Variants in PLA2G6 observed in about 807,000 individuals in gnomAD.
PLA2G6 encodes the protein 85/88 kDa calcium-independent phospholipase A2.
In PLA2G6, 62 loss-of-function variants were observed where a neutral mutation model predicts 83.8. The ratio of observed to expected loss-of-function variants is 0.74; its 90% confidence interval spans 0.60 to 0.91. The LOEUF is 0.91. Ranked by LOEUF, PLA2G6 falls within the 40% of genes least tolerant of loss-of-function variation. The pLI, the probability that PLA2G6 is intolerant of heterozygous loss-of-function variation, is 0.00. For synonymous variants in PLA2G6, 417 were observed against 449.8 expected, an observed-to-expected ratio of 0.93 and a Z score of 0.92; for missense variants, 944 against 1,102.0, an observed-to-expected ratio of 0.86 and a Z score of 2.03.
At chr22:38,134,775 G>A (rs958427688) in intron 6 of PLA2G6, 10 of 568,662 alleles carry the variant, frequency 1.8e-5, no homozygotes, top group Non-Finnish European at 3.1e-5. Context: ...TGAGGAAACT[G>A]AGGCACAGGG....
At chr22:38,135,158 A>G (rs186318527) in intron 5 of PLA2G6, 74 bp from the exon 6 acceptor site, 1 of 968,362 alleles carries the variant, frequency 1.0e-6, no homozygotes, top group Non-Finnish European at 1.7e-6. Flanking sequence ...CAGGACTTGG[A>G]GCTTCATCTA....
intron 5 of PLA2G6, chr22:38,139,737 A>G (rs988860169): frequency 3.1e-5 from 16 of 511,592 alleles, no homozygotes; most frequent in Non-Finnish European, 5.3e-5. Flanking sequence ...GCCCAGCCAG[A>G]AAAATTTTAA....
intron 1 of PLA2G6, among the ~76,000 whole-genome samples, chr22:38,175,715 C>T (rs546206556): frequency 2.0e-5 from 3 of 152,292 alleles, no homozygotes; most frequent in African/African-American, 7.2e-5. Flanking sequence ...CCTTCCTCTT[C>T]TCCCCAGCAC....
chr22:38,115,596 C>T lies in PLA2G6; in HGVS notation c.1965G>A (p.Leu655=). Residue 655 remains leucine, a synonymous_variant, in exon 14 of 17, where the codon CTG becomes CTA. Coordinates refer to ENST00000332509, the MANE Select transcript of PLA2G6 (RefSeq NM_003560.4). Reference sequence around the variant, plus strand: ...CATCCAGCGTGGGGTTGTTGGCCAGCAGCCCACCGTCCAGGAAGCGCCCAT... The same window carrying T: ...CATCCAGCGTGGGGTTGTTGGCCAGTAGCCCACCGTCCAGGAAGCGCCCAT... The part of the protein sequence containing the change: ...RPNGRFLDGG[L]LANNPTLDAM... 3 of 1,613,250 alleles carry T rather than the reference C, an allele frequency of 1.9e-6. No individual in the cohort carries two copies. Among genetic ancestry groups the T allele is most frequent in the East Asian group, 4.5e-5 (2 of 44,858 alleles).
At position 38,128,579 on chromosome 22, in the gene PLA2G6, T is replaced by C. The variant is rs1465583729; in HGVS notation, c.1187-149A>G. 1 of 787,144 alleles carries C rather than the reference T, an allele frequency of 1.3e-6. No individual in the cohort carries two copies. The highest frequency in any genetic ancestry group is 2.1e-6 in the Non-Finnish European group (1 of 482,680). 48.8% of individuals were successfully genotyped at this position (787,144 alleles called of 1,614,324 possible). Reference sequence around the variant, plus strand: ...CTGCTCCAGAGGCCTCAGCCCACCCTGACAGGGAGTGCTGCCCCCAGGCTG... The same window carrying C: ...CTGCTCCAGAGGCCTCAGCCCACCCCGACAGGGAGTGCTGCCCCCAGGCTG... On this transcript the variant is annotated intron_variant, in intron 8 of 16. Coordinates refer to ENST00000332509, the MANE Select transcript of PLA2G6 (RefSeq NM_003560.4). This position sits in a 1 kb window ranked among gnomAD's most constrained non-coding sequence, Gnocchi z 4.4.
chr22:38,175,133 G>GGAA (rs1352556103), intron 1 of PLA2G6, among the ~76,000 whole-genome samples: 3 of 152,232 alleles, frequency 2.0e-5, no homozygotes, highest in Non-Finnish European at 4.4e-5. Flanking sequence ...CCTCCCCTTT[G>GGAA]GAAGGTCTGT....
At position 38,143,157 on chromosome 22, in the gene PLA2G6, C is replaced by T. The variant is rs373868871; in HGVS notation, c.557G>A (p.Gly186Glu). The T allele has an allele frequency of 5.0e-6, 8 of 1,614,112 alleles. No individual in the cohort carries two copies. The Admixed American group carries it at 6.7e-5, about 13-fold the overall frequency. The change falls in exon 4 of 17, where the codon GGA (glycine) becomes GAA (glutamate). Residue 186 changes from glycine to glutamate, a missense_variant. By Grantham distance (98) the Gly-to-Glu change is moderately conservative. Coordinates refer to ENST00000332509, the MANE Select transcript of PLA2G6 (RefSeq NM_003560.4). Reference protein sequence around the residue: ...HTQMDVTDYKGETVFHYAVQG... With the variant: ...HTQMDVTDYKEETVFHYAVQG... ...GACAGCATAATGGAAGACGGTCTCT[C>T]CCTTGTAGTCGGTGACATCCATCTG...
intron 2 of PLA2G6, among the ~76,000 whole-genome samples, chr22:38,157,785 C>T (rs564252051): frequency 6.6e-6 from 1 of 152,142 alleles, no homozygotes; most frequent in African/African-American, 2.4e-5. Flanking sequence ...CCTGTAATCC[C>T]GGCACTTTGG....
intron 2 of PLA2G6, among the ~76,000 whole-genome samples, chr22:38,151,796 G>A (rs2089574118): frequency 6.6e-6 from 1 of 152,200 alleles, no homozygotes; most frequent in Non-Finnish European, 1.5e-5. Flanking sequence ...CCTTGAGTAA[G>A]GCAGAGATAA....
chr22:38,172,463 T>C (rs561813453), intron 1 of PLA2G6, among the ~76,000 whole-genome samples: 1 of 152,206 alleles, frequency 6.6e-6, no homozygotes, highest in African/African-American at 2.4e-5. Context: ...CAAACCAAGA[T>C]AGACTGACAG....
At chr22:38,119,353 G>A (rs2087391563) in intron 12 of PLA2G6, among the ~76,000 whole-genome samples, 1 of 152,178 alleles carries the variant, frequency 6.6e-6, no homozygotes. Flanking sequence ...CACAGATGGG[G>A]CTGGGAAAAA....
chr22:38,126,685 A>C (rs2087881539), intron 9 of PLA2G6: 1 of 546,316 alleles, frequency 1.8e-6, no homozygotes, highest in Non-Finnish European at 3.3e-6. Context: ...CTGCTCTGGG[A>C]AGGGCTCCCC....
chr22:38,173,955 G>A (rs1049189792), intron 1 of PLA2G6, among the ~76,000 whole-genome samples: 1 of 152,098 alleles, frequency 6.6e-6, no homozygotes, highest in African/African-American at 2.4e-5. Context: ...GGGAGGCTAA[G>A]GCAAGAGGAT....
At position 38,123,954 on chromosome 22, in the gene PLA2G6, A is replaced by G. The variant is rs764599293; in HGVS notation, c.1428-696T>C. Among the ~76,000 whole-genome samples the G allele has an allele frequency of 4.6e-5, 7 of 151,754 alleles. No homozygotes were observed. Among genetic ancestry groups the G allele is most frequent in the Non-Finnish European group, 7.4e-5 (5 of 67,944 alleles). ...GGGTTCAAACGATTCTCCTGCCTCA[A>G]CCTCCCGAGTAGCTGGGATCACAGG... On this transcript the variant is annotated intron_variant, in intron 10 of 16. Coordinates refer to ENST00000332509, the MANE Select transcript of PLA2G6 (RefSeq NM_003560.4). This position sits in a 1 kb window ranked among gnomAD's most constrained non-coding sequence, Gnocchi z 4.1.
chr22:38,139,942 GC>G (rs1569271095), intron 5 of PLA2G6, 39 bp downstream of exon 5: 1 of 1,478,136 alleles, frequency 6.8e-7, no homozygotes, highest in Admixed American at 2.0e-5. Flanking sequence ...GAGAGCTGGA[GC>G]CCAGCAGGCC....
chr22:38,117,990 C>T lies in PLA2G6; in HGVS notation c.1743-1779G>A, dbSNP rs369810413. ...AGCAGAAATTGCAGTGAGCCGAGAT[C>T]GCGCCACTGCACTCCAGCCTGGGTG... On this transcript the variant is annotated intron_variant, in intron 12 of 16. Transcript: ENST00000332509. 9.4e-5 allele frequency among the ~76,000 whole-genome samples: 14 copies of T among 149,348 alleles called. No homozygotes were observed. The East Asian group carries it at 1.6e-3, about 17-fold the overall frequency.
At chr22:38,113,448 C>A (rs2087001086) in intron 15 of PLA2G6, 39 bp downstream of exon 15, 3 of 1,604,894 alleles carry the variant, frequency 1.9e-6, no homozygotes, top group Admixed American at 3.3e-5. Context: ...GGGCTACAGA[C>A]CCTGAGGGAA....
intron 2 of PLA2G6, among the ~76,000 whole-genome samples, chr22:38,159,689 C>T (rs1314258586): frequency 1.4e-5 from 2 of 146,264 alleles, no homozygotes; most frequent in Non-Finnish European, 2.9e-5. Flanking sequence ...ATGATCATGC[C>T]ACTGAAGTTT....
At chr22:38,176,722 C>G (rs574638431) in intron 1 of PLA2G6, among the ~76,000 whole-genome samples, 1 of 152,156 alleles carries the variant, frequency 6.6e-6, no homozygotes, top group African/African-American at 2.4e-5. Context: ...ACTTGTGATC[C>G]ACCTCCAAGC....
Sources: allele counts gnomAD v4.1 joint callset (sites outside exome capture counted in the v4.1 genomes callset), GRCh38; gene constraint gnomAD v4.1.1; non-coding constraint Gnocchi (gnomAD v3.1); transcripts MANE v1.5; gene names NCBI Gene and HGNC (gene_info 2026-07-23, HGNC 2026-07-21).